Variants in MMD2 observed in about 807,000 individuals in gnomAD.
The protein encoded by MMD2 is monocyte to macrophage differentiation factor 2.
MMD2 carries 30 observed loss-of-function variants against 33.5 expected under a neutral mutation model. That is an observed-to-expected ratio of 0.90 (90% CI 0.67 to 1.22). MMD2 has a LOEUF of 1.22. Among genes scored for constraint, MMD2 ranks in the 50% most tolerant of loss-of-function variants. The pLI is 0.00. For synonymous variants in MMD2, 129 were observed against 123.0 expected, an observed-to-expected ratio of 1.05 and a Z score of -0.32; for missense variants, 364 against 325.4, an observed-to-expected ratio of 1.12 and a Z score of -0.91.
At chr7:4,922,837 C>T (rs1785322210) in intron 2 of MMD2, among the ~76,000 whole-genome samples, 1 of 152,134 alleles carries the variant, frequency 6.6e-6, no homozygotes, top group Non-Finnish European at 1.5e-5. Flanking sequence ...GAGCACAGGA[C>T]ATGTCCTCAG....
At chr7:4,915,018 C>A (rs892583511) in intron 4 of MMD2, among the ~76,000 whole-genome samples, 1 of 152,130 alleles carries the variant, frequency 6.6e-6, no homozygotes, top group South Asian at 2.1e-4. Context: ...CACGCCTGTA[C>A]TCCCAACAGT....
intron 1 of MMD2, among the ~76,000 whole-genome samples, chr7:4,938,587 C>T (rs1009291636): frequency 6.6e-6 from 1 of 152,098 alleles, no homozygotes; most frequent in Non-Finnish European, 1.5e-5. Flanking sequence ...AATACTGTTA[C>T]AACGGGGATC....
At position 4,924,569 on chromosome 7, in the gene MMD2, C is replaced by T. The variant is rs1785373244; in HGVS notation, c.129+882G>A. 2.6e-5 allele frequency among the ~76,000 whole-genome samples: 4 copies of T among 152,188 alleles called. No individual in the cohort carries two copies. In the South Asian group the frequency reaches 8.3e-4, roughly 32 times the overall value. On this transcript the variant is annotated intron_variant, in intron 2 of 6. Coordinates refer to ENST00000401401, the MANE Select transcript of MMD2 (RefSeq NM_198403.4). Reference sequence around the variant, plus strand: ...GTTTGCTGAATGAATGTGTGATGGACAGCTGGCATGGTGATGGGCCGTGAA... The same window carrying T: ...GTTTGCTGAATGAATGTGTGATGGATAGCTGGCATGGTGATGGGCCGTGAA...
At chr7:4,919,433 G>A (rs901938483) in intron 3 of MMD2, among the ~76,000 whole-genome samples, 3 of 151,652 alleles carry the variant, frequency 2.0e-5, no homozygotes, top group Non-Finnish European at 4.4e-5. Flanking sequence ...AGCCAGGCAT[G>A]ATGGCACACA....
the MMD2 span, among the ~76,000 whole-genome samples, chr7:4,895,036 G>A: frequency 2.6e-5 from 4 of 151,296 alleles, no homozygotes; most frequent in African/African-American, 9.7e-5. Flanking sequence ...TATCCCCAAC[G>A]CTCAGCCGCT....
intron 4 of MMD2, 25 bp from the exon 5 acceptor site, chr7:4,911,271 T>A: frequency 6.4e-7 from 1 of 1,552,458 alleles, no homozygotes. Flanking sequence ...GCCAAGGCCA[T>A]GGCCCTGAGG....
downstream of MMD2, among the ~76,000 whole-genome samples, chr7:4,905,204 G>T (rs1434339673): frequency 6.6e-6 from 1 of 150,676 alleles, no homozygotes; most frequent in African/African-American, 2.4e-5. This position sits in a 1 kb window ranked among gnomAD's most constrained non-coding sequence, Gnocchi z 5.0. Context: ...CATCCAAATA[G>T]GAAAAGAAGT....
chr7:4,917,553 G>A (rs914757785), intron 3 of MMD2, among the ~76,000 whole-genome samples: 4 of 151,902 alleles, frequency 2.6e-5, no homozygotes, highest in South Asian at 4.2e-4. Context: ...TTAGCCGGGC[G>A]TGGTGGTGGG....
At chr7:4,894,964 T>C in the MMD2 span, among the ~76,000 whole-genome samples, 1 of 152,180 alleles carries the variant, frequency 6.6e-6, no homozygotes, top group African/African-American at 2.4e-5. This position sits in a 1 kb window ranked among gnomAD's most constrained non-coding sequence, Gnocchi z 4.3. Flanking sequence ...TGATCTTTGC[T>C]GGAAGCTGCA....
chr7:4,904,058 G>C (rs970389523), downstream of MMD2, among the ~76,000 whole-genome samples: 1 of 152,076 alleles, frequency 6.6e-6, no homozygotes. Context: ...TCAGCCTCCC[G>C]AGTAGCTGAG....
At chr7:4,915,976 G>T (rs562142068) in intron 4 of MMD2, 29 bp downstream of exon 4, 11 of 1,603,482 alleles carry the variant, frequency 6.9e-6, no homozygotes, top group Non-Finnish European at 8.5e-6. Context: ...GGCCGCCAAG[G>T]GTTTGCTGGG....
At chr7:4,939,188 C>T (rs112231418) in intron 1 of MMD2, among the ~76,000 whole-genome samples, 3 of 144,464 alleles carry the variant, frequency 2.1e-5, no homozygotes, top group Admixed American at 7.0e-5. Context: ...GGTGACAGGG[C>T]GAGACTCCGT....
At chr7:4,943,372 C>T (rs557666836) in intron 1 of MMD2, among the ~76,000 whole-genome samples, 3 of 151,638 alleles carry the variant, frequency 2.0e-5, no homozygotes, top group Non-Finnish European at 2.9e-5. Context: ...CTCGATCTCC[C>T]GACCTCGTGA....
the MMD2 span, among the ~76,000 whole-genome samples, chr7:4,900,473 T>C: frequency 2.5e-3 from 379 of 152,208 alleles, no homozygotes; most frequent in African/African-American, 8.9e-3. Context: ...CTCTGATCTG[T>C]AGCATTCACC....
chr7:4,897,911 T>C, the MMD2 span, among the ~76,000 whole-genome samples: 2 of 152,162 alleles, frequency 1.3e-5, no homozygotes, highest in Admixed American at 1.3e-4. Flanking sequence ...CTAATTTTTG[T>C]ATTTTTAGTA....
chr7:4,909,954 G>A lies in MMD2; in HGVS notation c.468-4C>T, dbSNP rs765842018. ...GAGAAGCTCCACAAGCTTGTACCTG[G>A]CAGGAAGACAAGCCGTGCCGGCCTT... On this transcript the variant is annotated splice_region_variant and splice_polypyrimidine_tract_variant and intron_variant, in intron 5 of 6. Coordinates refer to ENST00000401401, the MANE Select transcript of MMD2 (RefSeq NM_198403.4). 8.7e-6 allele frequency: 14 copies of A among 1,613,806 alleles called. No homozygotes were observed. Among genetic ancestry groups the A allele is most frequent in the Non-Finnish European group, 1.2e-5 (14 of 1,179,892 alleles).
chr7:4,902,269 A>AT (rs144719477), downstream of MMD2, among the ~76,000 whole-genome samples: 2,119 of 152,088 alleles, frequency 0.014, 51 homozygotes, highest in African/African-American at 0.049. Flanking sequence ...ATATTCTTTA[A>AT]TTTTTTTTAA....
At chr7:4,898,248 T>A in the MMD2 span, among the ~76,000 whole-genome samples, 1 of 152,084 alleles carries the variant, frequency 6.6e-6, no homozygotes, top group Admixed American at 6.6e-5. Flanking sequence ...GCTCCTAATT[T>A]CTTTCTCCTT....
At chr7:4,929,571 C>T (rs1193161915) in intron 1 of MMD2, among the ~76,000 whole-genome samples, 1 of 151,794 alleles carries the variant, frequency 6.6e-6, no homozygotes, top group Non-Finnish European at 1.5e-5. Context: ...GTCGCCCAGG[C>T]TGGAGTGCAA....
Sources: allele counts gnomAD v4.1 joint callset (sites outside exome capture counted in the v4.1 genomes callset), GRCh38; gene constraint gnomAD v4.1.1; non-coding constraint Gnocchi (gnomAD v3.1); transcripts MANE v1.5; gene names NCBI Gene and HGNC (gene_info 2026-07-23, HGNC 2026-07-21).